ZNF618: variants seen among roughly 807,000 people sequenced by gnomAD.
ZNF618 encodes zinc finger protein 618.
In ZNF618, 34 loss-of-function variants were observed where a neutral mutation model predicts 103.0. The ratio of observed to expected loss-of-function variants is 0.33; its 90% CI spans 0.25 to 0.44. The LOEUF is 0.44. Ranked by LOEUF, ZNF618 falls within the 20% of genes least tolerant of loss-of-function variation. The pLI, the probability that ZNF618 is intolerant of heterozygous loss-of-function variation, is 1.00. For synonymous variants in ZNF618, 551 were observed against 542.2 expected (o/e 1.02, Z -0.23); for missense variants, 1,059 against 1,295.4 (o/e 0.82, Z 2.80).
chr9:113,915,618 A>G (rs1588029072), intron 1 of ZNF618, among the ~76,000 whole-genome samples: 1 of 152,228 alleles, frequency 6.6e-6, no homozygotes, highest in Non-Finnish European at 1.5e-5. Flanking sequence ...GATGCTTAAA[A>G]ATACCTTTTG....
intron 1 of ZNF618, among the ~76,000 whole-genome samples, chr9:113,956,178 C>A (rs1836266091): frequency 7.5e-6 from 1 of 133,264 alleles, no homozygotes; most frequent in Admixed American, 8.6e-5. Context: ...CACTGCACAC[C>A]AGCCTGGGCA....
intron 1 of ZNF618, among the ~76,000 whole-genome samples, chr9:113,882,480 G>A (rs1269129452): frequency 6.6e-6 from 1 of 152,184 alleles, no homozygotes; most frequent in Non-Finnish European, 1.5e-5. Context: ...CAGTGGCCAG[G>A]GATTCTCCAT....
chr9:113,927,124 T>C (rs1833172508), intron 1 of ZNF618, among the ~76,000 whole-genome samples: 1 of 152,236 alleles, frequency 6.6e-6, no homozygotes, highest in African/African-American at 2.4e-5. Context: ...ACATGCCTTA[T>C]AATTTTTTGT....
At chr9:113,940,787 A>G (rs532097812) in intron 1 of ZNF618, among the ~76,000 whole-genome samples, 1 of 152,266 alleles carries the variant, frequency 6.6e-6, no homozygotes, top group East Asian at 1.9e-4. Flanking sequence ...AACATCTGGC[A>G]TCTCTGTAAT....
At position 114,006,221 on chromosome 9, in the gene ZNF618, G is replaced by C. The variant is rs142935793; in HGVS notation, c.551-1129G>C. On this transcript the variant is annotated intron_variant, in intron 6 of 14. Transcript: ENST00000374126. ...TATTTGGGTTCTGAGGGACAGGAGG[G>C]GGACCAGGAGAGAGGTACCCCAACC... Among the ~76,000 whole-genome samples, 124 of 152,340 alleles carry C rather than the reference G, an allele frequency of 8.1e-4. No homozygotes were observed. In the East Asian group the frequency reaches 0.019, roughly 24 times the overall value.
At chr9:114,010,444 C>A (rs1269373872) in intron 9 of ZNF618, among the ~76,000 whole-genome samples, 3 of 151,824 alleles carry the variant, frequency 2.0e-5, no homozygotes, top group African/African-American at 7.3e-5. Flanking sequence ...TGGTGGCTCT[C>A]GCCTGTAATC....
rs374416155 is a variant in ZNF618 at position 113,974,430 on chromosome 9, A to G, written c.77+5270A>G. On this transcript the variant is annotated intron_variant, in intron 2 of 14. Transcript: ENST00000374126. ...TTTGGCCATTCCTCTGCGTGAGATC[A>G]GGAGCCACTGGGGAGTTTGAACAGA... is the stretch of plus-strand genomic sequence containing the variant. 2.1e-4 allele frequency among the ~76,000 whole-genome samples: 32 copies of G among 152,360 alleles called. 1 individual carries two copies. In the South Asian group the frequency reaches 6.4e-3, roughly 31 times the overall value.
intron 1 of ZNF618, among the ~76,000 whole-genome samples, chr9:113,897,198 C>G (rs1376855415): frequency 1.3e-5 from 2 of 152,010 alleles, no homozygotes; most frequent in African/African-American, 2.4e-5. Context: ...TACAGTTTTT[C>G]CCCCTATGTA....
chr9:114,048,681 T>C lies in ZNF618; in HGVS notation c.1379T>C (p.Met460Thr), dbSNP rs373820121. The change falls in exon 15 of 15, where the codon ATG (methionine) becomes ACG (threonine). Residue 460 changes from methionine (M) to threonine (T), a missense_variant. Met to Thr is a moderately conservative substitution (Grantham distance 81). This residue lies in a region of ZNF618 where 434 missense variants were observed against 476.0 expected (regional missense o/e 0.91). Transcript: ENST00000374126. ...ACCAGTGGTTTAACACCCAACAGCA[T>C]GATCCCCGAAAAGGAGCGGCAGAAC... Reference protein sequence around the residue: ...TTTSGLTPNSMIPEKERQNIA... With the variant: ...TTTSGLTPNSTIPEKERQNIA... 152 of 1,613,680 alleles carry C rather than the reference T, an allele frequency of 9.4e-5. No individual in the cohort carries two copies. The highest frequency in any genetic ancestry group is 3.5e-4 in the African/African-American group (26 of 75,048).
intron 3 of ZNF618, among the ~76,000 whole-genome samples, chr9:113,993,977 C>T (rs1482902485): frequency 1.3e-5 from 2 of 152,142 alleles, no homozygotes; most frequent in African/African-American, 2.4e-5. Flanking sequence ...GGAGTGAGTT[C>T]CCCGTCCTGA....
At chr9:114,016,295 G>T in intron 9 of ZNF618, 1 of 790,528 alleles carries the variant, frequency 1.3e-6, no homozygotes, top group South Asian at 1.7e-5. Flanking sequence ...CCACTGCAGA[G>T]GGCAGGGCTT....
Position 114,049,731 on chromosome 9 carries a change from C to G in ZNF618, c.2429C>G (p.Pro810Arg). The stretch of plus-strand genomic sequence containing the variant: ...CACAAGGTGGCCATGATCCTGGACC[C>G]GCAGCAGAAGCTGCGGCCTGTGCCA... ...PAHKVAMILD[P>R]QQKLRPVPPY... The change falls in exon 15 of 15, where the codon CCG (proline) becomes CGG (arginine). Residue 810 changes from proline to arginine, a missense_variant. Coordinates refer to ENST00000374126, the MANE Select transcript of ZNF618 (RefSeq NM_001318042.2). The G allele has an allele frequency of 6.2e-7, 1 of 1,613,884 alleles. No homozygotes were observed. Among genetic ancestry groups the G allele is most frequent in the Non-Finnish European group, 8.5e-7 (1 of 1,179,906 alleles).
At position 113,921,043 on chromosome 9, in the gene ZNF618, C is replaced by T. The variant is rs144843003; in HGVS notation, c.33+44630C>T. ...GGCAATGGCTGACCTATTGGTGGCTCCAGCTCAGCATGTGTCTCTTAGAAC... is the reference window on the plus strand; with the variant it reads ...GGCAATGGCTGACCTATTGGTGGCTTCAGCTCAGCATGTGTCTCTTAGAAC... On this transcript the variant is annotated intron_variant, in intron 1 of 14. Coordinates refer to ENST00000374126, the MANE Select transcript of ZNF618 (RefSeq NM_001318042.2). Among the ~76,000 whole-genome samples, 88 of 152,326 alleles carry T rather than the reference C, an allele frequency of 5.8e-4. 2 individuals carry two copies. In the East Asian group the frequency reaches 0.016, roughly 27 times the overall value.
In ZNF618 at chr9:114,015,966, A is replaced by G. The variant is rs888818432; in HGVS notation, c.755-729A>G. On this transcript the variant is annotated intron_variant, in intron 9 of 14. Coordinates refer to ENST00000374126, the MANE Select transcript of ZNF618 (RefSeq NM_001318042.2). ...TATCAGTGAGAGAAGCGCACCCCAG[A>G]TGAGACAGAATGAAGAGTGGGGACC... 4 of 690,404 alleles carry G rather than the reference A, an allele frequency of 5.8e-6. No homozygotes were observed. The Admixed American group carries it at 1.0e-4, about 18-fold the overall frequency. The allele number at this position is 690,404 out of a possible 1,614,324, so 42.8% of individuals were successfully genotyped here.
chr9:113,991,547 A>G (rs1423378238), intron 3 of ZNF618, among the ~76,000 whole-genome samples: 1 of 152,246 alleles, frequency 6.6e-6, no homozygotes, highest in Non-Finnish European at 1.5e-5. Context: ...TATTCTCAGT[A>G]CTACTAATAT....
Position 114,049,349 on chromosome 9 carries a change from G to C in ZNF618, c.2047G>C (p.Gly683Arg). 6.2e-7 allele frequency: 1 copy of C among 1,610,114 alleles called. No homozygotes were observed. The highest frequency in any genetic ancestry group is 8.5e-7 in the Non-Finnish European group (1 of 1,178,850). Residue 683 changes from glycine to arginine, a missense_variant, in exon 15 of 15, where the codon GGG becomes CGG. Transcript: ENST00000374126. ...CACGGGCCTGGCCAAGGAGACCTTC[G>C]GGTCGCTGGAGGAGACGTCTCCACC... is the stretch of plus-strand genomic sequence containing the variant. ...GSTGLAKETF[G>R]SLEETSPPPC...
chr9:113,934,479 G>T (rs1447725266), intron 1 of ZNF618, among the ~76,000 whole-genome samples: 1 of 152,150 alleles, frequency 6.6e-6, no homozygotes, highest in Non-Finnish European at 1.5e-5. Context: ...AAAACACATG[G>T]AACGCGCTGA....
At chr9:113,908,449 G>A (rs1831191587) in intron 1 of ZNF618, among the ~76,000 whole-genome samples, 2 of 152,092 alleles carry the variant, frequency 1.3e-5, no homozygotes, top group African/African-American at 2.4e-5. Context: ...AAATTATTTT[G>A]TATGACTGCA....
At chr9:113,943,387 C>T (rs2132102738) in intron 1 of ZNF618, among the ~76,000 whole-genome samples, 1 of 152,178 alleles carries the variant, frequency 6.6e-6, no homozygotes, top group African/African-American at 2.4e-5. Context: ...GCAGTGACTG[C>T]GTGTACAGAA....
Sources: gnomAD v4.1 joint callset for allele counts (sites outside exome capture counted in the v4.1 genomes callset) on GRCh38, gnomAD v4.1.1 for gene constraint, gnomAD v4.1.1 regional missense constraint, MANE v1.5 for transcripts, NCBI Gene and HGNC (gene_info 2026-07-23, HGNC 2026-07-21) for gene names.